The following GNG7 variants were observed in gnomAD, a reference collection of about 807,000 sequenced individuals.
The protein encoded by GNG7 is guanine nucleotide-binding protein G(I)/G(S)/G(O) subunit gamma-7.
A neutral mutation model predicts 4.0 loss-of-function variants in GNG7; 1 was observed. That is an observed-to-expected ratio of 0.25 (90% confidence interval 0.09 to 1.18). GNG7 has a LOEUF of 1.18. GNG7 is among the 50% of genes most tolerant of loss of function. The pLI is 0.50. For missense variants in GNG7, 86 were observed against 91.9 expected (o/e 0.94, Z 0.26); for synonymous variants, 34 against 36.9 (o/e 0.92, Z 0.29).
intron 3 of GNG7, among the ~76,000 whole-genome samples, chr19:2,540,925 C>A (rs1251801264): frequency 6.6e-6 from 1 of 152,230 alleles, no homozygotes; most frequent in Non-Finnish European, 1.5e-5. Context: ...GATAAACCGA[C>A]CAGGAGCCGC....
rs988793616 is a variant in GNG7, at chr19:2,617,363, C to T, written c.-78+28861G>A. On this transcript the variant is annotated intron_variant, in intron 2 of 4. Coordinates refer to ENST00000382159, the MANE Select transcript of GNG7 (RefSeq NM_052847.3). This position sits in a 1 kb window ranked among gnomAD's most constrained non-coding sequence, Gnocchi z 4.7. ...ATCCAGGCACTGAGCCCGGCCCAGC[C>T]CTGCAGCTCTGACCCTGCCTTGGGC... 6.6e-6 allele frequency among the ~76,000 whole-genome samples: 1 copy of T among 152,208 alleles called. No individual in the cohort carries two copies. Among genetic ancestry groups the T allele is most frequent in the African/African-American group, 2.4e-5 (1 of 41,448 alleles).
chr19:2,618,734 G>A lies in GNG7; in HGVS notation c.-78+27490C>T, dbSNP rs1414257633. 2.0e-5 allele frequency among the ~76,000 whole-genome samples: 3 copies of A among 151,872 alleles called. No individual in the cohort carries two copies. Among genetic ancestry groups the A allele is most frequent in the Admixed American group, 6.6e-5 (1 of 15,216 alleles). On this transcript the variant is annotated intron_variant, in intron 2 of 4. Transcript: ENST00000382159. This position sits in a 1 kb window ranked among gnomAD's most constrained non-coding sequence, Gnocchi z 5.1. The stretch of plus-strand genomic sequence containing the variant: ...TTGCAAAGAGAGAGTCCCCGCCCAC[G>A]CCTCACCAGCTTCCTCTTCAGGGGC...
chr19:2,661,297 A>AG (rs1568277784), intron 1 of GNG7, among the ~76,000 whole-genome samples: 1,972 of 41,630 alleles, frequency 0.047, 94 homozygotes, highest in Middle Eastern at 0.14. Flanking sequence ...AAAGAAAGAA[A>AG]GAAAGAGAAA....
intron 1 of GNG7, among the ~76,000 whole-genome samples, chr19:2,658,988 G>T (rs59780868): frequency 0.016 from 2,102 of 129,692 alleles, 22 homozygotes; most frequent in African/African-American, 0.047. Context: ...TTTTTTTTTT[G>T]AAATGGAGTC....
rs1327503856 is a variant in GNG7, at chr19:2,514,826, A to T, written c.*196T>A. The T allele has an allele frequency of 1.9e-6, 1 of 538,766 alleles. No homozygotes were observed. The highest frequency in any genetic ancestry group is 3.3e-6 in the Non-Finnish European group (1 of 299,952). The allele number at this position is 538,766 out of a possible 1,614,324, so 33.4% of individuals were successfully genotyped here. A position where few individuals can be genotyped will look rare whatever the true frequency, so the allele number is the denominator to read the frequency against. ...AAATTCATCTCCACCTACAAGGTCC[A>T]TTCTACCCCATCCGGGCGGTGGGAA... On this transcript the variant is annotated 3_prime_UTR_variant, in exon 5 of 5. Transcript: ENST00000382159.
chr19:2,535,618 A>ACCCTGGAAGATCTCTTTC (rs1164668040), intron 3 of GNG7, among the ~76,000 whole-genome samples: 1 of 152,106 alleles, frequency 6.6e-6, no homozygotes, highest in Non-Finnish European at 1.5e-5. Flanking sequence ...GTCGACCTTA[A>ACCCTGGAAGATCTCTTTC]CCCTGGAAGA....
intron 3 of GNG7, among the ~76,000 whole-genome samples, chr19:2,542,880 CCTTT>C (rs1313397014): frequency 2.1e-5 from 2 of 97,482 alleles, no homozygotes; most frequent in Non-Finnish European, 4.5e-5. Flanking sequence ...CTGCTGTTTT[CCTTT>C]TTTTTTTTTT....
At chr19:2,693,235 T>C (rs958495695) in intron 1 of GNG7, among the ~76,000 whole-genome samples, 3 of 150,496 alleles carry the variant, frequency 2.0e-5, no homozygotes, top group South Asian at 2.1e-4. Context: ...CTAGGCAACA[T>C]AGCAATATCC....
At chr19:2,685,869 A>G (rs1006535643) in intron 1 of GNG7, among the ~76,000 whole-genome samples, 1 of 152,084 alleles carries the variant, frequency 6.6e-6, no homozygotes. Flanking sequence ...GGCCACTAAG[A>G]AAAGGGCCTT....
chr19:2,642,788 CCG>C, intron 2 of GNG7: 1 of 456,780 alleles, frequency 2.2e-6, no homozygotes, highest in Non-Finnish European at 4.4e-6. Flanking sequence ...GCCATGGCGC[CCG>C]GCCAGAACTG....
chr19:2,586,811 C>A (rs1458281476), intron 2 of GNG7, among the ~76,000 whole-genome samples: 1 of 151,596 alleles, frequency 6.6e-6, no homozygotes, highest in Non-Finnish European at 1.5e-5. Flanking sequence ...ATGGTGAAAC[C>A]CTGTCTCTAC....
At chr19:2,699,215 C>G (rs1913342073) in intron 1 of GNG7, among the ~76,000 whole-genome samples, 2 of 146,044 alleles carry the variant, frequency 1.4e-5, no homozygotes, top group African/African-American at 5.1e-5. Flanking sequence ...GTGGTGCAAT[C>G]TCAGCTCACT....
chr19:2,590,304 C>T (rs983219724), intron 2 of GNG7, among the ~76,000 whole-genome samples: 15 of 152,278 alleles, frequency 9.9e-5, no homozygotes, highest in Admixed American at 9.8e-4. Flanking sequence ...GGTCAGTCTT[C>T]CTTTTTTCTC....
intron 2 of GNG7, among the ~76,000 whole-genome samples, chr19:2,563,751 G>A (rs1384121869): frequency 1.3e-5 from 2 of 152,082 alleles, no homozygotes; most frequent in African/African-American, 4.8e-5. Flanking sequence ...CAAAGTGCTG[G>A]GATAATAGGC....
intron 3 of GNG7, among the ~76,000 whole-genome samples, chr19:2,532,755 C>G (rs1047852358): frequency 6.6e-6 from 1 of 152,160 alleles, no homozygotes. Flanking sequence ...GACTGCCTCT[C>G]AACCACTAGA....
At chr19:2,574,243 G>A (rs1408132055) in intron 2 of GNG7, among the ~76,000 whole-genome samples, 1 of 152,220 alleles carries the variant, frequency 6.6e-6, no homozygotes, top group Non-Finnish European at 1.5e-5. Flanking sequence ...GCTGGAGCCG[G>A]AAGATGGGGC....
intron 1 of GNG7, among the ~76,000 whole-genome samples, chr19:2,658,078 TTGGTGGTAG>T (rs1360694717): frequency 6.6e-6 from 1 of 152,282 alleles, no homozygotes; most frequent in East Asian, 1.9e-4. Context: ...TCTTCATGTC[TTGGTGGTAG>T]TGGTCCCCCG....
At chr19:2,542,904 G>C (rs1979009567) in intron 3 of GNG7, among the ~76,000 whole-genome samples, 1 of 134,020 alleles carries the variant, frequency 7.5e-6, no homozygotes, top group African/African-American at 2.8e-5. Context: ...TTTTTTGGTG[G>C]TTTTTGTTTT....
At chr19:2,697,409 G>A (rs1375743976) in intron 1 of GNG7, among the ~76,000 whole-genome samples, 1 of 152,106 alleles carries the variant, frequency 6.6e-6, no homozygotes, top group African/African-American at 2.4e-5. Context: ...GGAGGAGGAG[G>A]ACAGGAGTGA....
Sources: allele counts gnomAD v4.1 joint callset (sites outside exome capture counted in the v4.1 genomes callset), GRCh38; gene constraint gnomAD v4.1.1; non-coding constraint Gnocchi (gnomAD v3.1); transcripts MANE v1.5; gene names NCBI Gene and HGNC (gene_info 2026-07-23, HGNC 2026-07-21).